Variants in PLPPR1 observed in about 807,000 individuals in gnomAD.
PLPPR1 encodes the protein phospholipid phosphatase related 1.
Under a neutral mutation model 33.1 loss-of-function variants are expected in PLPPR1, and 10 were observed. That is an observed-to-expected ratio of 0.30 (90% CI 0.19 to 0.51). The LOEUF (loss-of-function observed/expected upper bound fraction) is 0.51. Among genes scored for constraint, PLPPR1 ranks in the 20% least tolerant of loss-of-function variants. The pLI is 0.97. For missense variants in PLPPR1, 304 were observed against 408.1 expected, an observed-to-expected ratio of 0.74 and a Z score of 2.20; for synonymous variants, 151 against 151.0, an observed-to-expected ratio of 1.00 and a Z score of 0.00.
intron 2 of PLPPR1, among the ~76,000 whole-genome samples, chr9:101,189,607 G>T (rs1826260844): frequency 6.6e-6 from 1 of 151,946 alleles, no homozygotes; most frequent in Non-Finnish European, 1.5e-5. Flanking sequence ...TACTAGCTAG[G>T]ACTTATTGTG....
intron 1 of PLPPR1, among the ~76,000 whole-genome samples, chr9:101,159,106 C>G (rs1004301914): frequency 2.6e-5 from 4 of 152,168 alleles, no homozygotes; most frequent in African/African-American, 4.8e-5. Flanking sequence ...CCTGATGATG[C>G]CTGGCTCCAG....
intron 2 of PLPPR1, among the ~76,000 whole-genome samples, chr9:101,196,527 C>A (rs1382363835): frequency 6.6e-6 from 1 of 152,144 alleles, no homozygotes; most frequent in Admixed American, 6.5e-5. Context: ...TTTTAAAATT[C>A]TTGTCCCTTT....
chr9:101,140,272 G>A (rs180802840), intron 1 of PLPPR1, among the ~76,000 whole-genome samples: 2 of 152,222 alleles, frequency 1.3e-5, no homozygotes, highest in East Asian at 3.9e-4. Context: ...TAGAGAAAGT[G>A]GATTGCTGAA....
chr9:101,262,967 A>AC (rs1314895500), intron 2 of PLPPR1, among the ~76,000 whole-genome samples: 1 of 152,140 alleles, frequency 6.6e-6, no homozygotes, highest in Non-Finnish European at 1.5e-5. Context: ...GAACACCTGG[A>AC]CACAGGGAGT....
chr9:101,187,159 A>G (rs1274184059), intron 2 of PLPPR1: 2 of 151,968 alleles, frequency 1.3e-5, no homozygotes, highest in African/African-American at 4.8e-5. Context: ...CTCTTTTGTT[A>G]TATGAAAAAT....
chr9:101,064,393 A>G (rs1046108149), intron 1 of PLPPR1, among the ~76,000 whole-genome samples: 6 of 152,132 alleles, frequency 3.9e-5, no homozygotes, highest in African/African-American at 1.4e-4. Context: ...TGGAATGAAT[A>G]TTTATGGAAT....
At chr9:101,173,082 A>G (rs902474536) in intron 1 of PLPPR1, among the ~76,000 whole-genome samples, 2 of 152,178 alleles carry the variant, frequency 1.3e-5, no homozygotes, top group East Asian at 3.9e-4. Flanking sequence ...AGGATAACAA[A>G]CCCATAAAGA....
intron 1 of PLPPR1, among the ~76,000 whole-genome samples, chr9:101,068,053 C>T (rs1830440015): frequency 6.6e-6 from 1 of 152,028 alleles, no homozygotes; most frequent in Non-Finnish European, 1.5e-5. Context: ...CATTAGCCCA[C>T]AAAAGCCTAT....
At position 101,237,718 on chromosome 9, in the gene PLPPR1, A is replaced by G. The variant is rs185286146; in HGVS notation, c.64-32162A>G. 1.4e-3 allele frequency among the ~76,000 whole-genome samples: 193 copies of G among 139,854 alleles called. 2 individuals are homozygous for G. Among genetic ancestry groups the G allele is most frequent in the African/African-American group, 4.9e-3 (186 of 38,188 alleles). 91.7% of individuals were successfully genotyped at this position (139,854 alleles called of 152,430 possible). ...CTATATATATAGTCTATATCTATATATGTGTGTGTATATAGCCTATATATA... is the reference window on the plus strand; with the variant it reads ...CTATATATATAGTCTATATCTATATGTGTGTGTGTATATAGCCTATATATA... On this transcript the variant is annotated intron_variant, in intron 2 of 7. Transcript: ENST00000374874.
At chr9:101,132,868 A>T (rs149837046) in intron 1 of PLPPR1, among the ~76,000 whole-genome samples, 2 of 152,302 alleles carry the variant, frequency 1.3e-5, no homozygotes, top group African/African-American at 4.8e-5. Flanking sequence ...GAATTCCAGT[A>T]CTTAAGTGGA....
Position 101,264,385 on chromosome 9 carries a change from C to T in PLPPR1, c.64-5495C>T, listed in dbSNP as rs113367205. ...TAAGCAGACACCACACAGCCCTCTC[C>T]TTCCCCATGCATCCTCTTCTCCCTC... On this transcript the variant is annotated intron_variant, in intron 2 of 7. Transcript: ENST00000374874. Among the ~76,000 whole-genome samples, 9 of 152,252 alleles carry T rather than the reference C, an allele frequency of 5.9e-5. 1 individual carries two copies. The highest frequency in any genetic ancestry group is 2.2e-4 in the African/African-American group (9 of 41,548).
chr9:101,089,134 G>A (rs1450969419), intron 1 of PLPPR1, among the ~76,000 whole-genome samples: 1 of 152,056 alleles, frequency 6.6e-6, no homozygotes, highest in Non-Finnish European at 1.5e-5. Context: ...TATTTGGCAG[G>A]CATTATGCTA....
chr9:101,169,750 T>A (rs534990079), intron 1 of PLPPR1, among the ~76,000 whole-genome samples: 2 of 152,180 alleles, frequency 1.3e-5, no homozygotes, highest in Non-Finnish European at 1.5e-5. Flanking sequence ...ATTTTTTTCA[T>A]AATAATGAAG....
intron 1 of PLPPR1, among the ~76,000 whole-genome samples, chr9:101,163,615 C>T (rs986199050): frequency 5.9e-5 from 9 of 152,132 alleles, no homozygotes; most frequent in African/African-American, 1.9e-4. Flanking sequence ...TAGTGACATC[C>T]GGCTGAAGCA....
chr9:101,065,178 C>T (rs1293086197), intron 1 of PLPPR1, among the ~76,000 whole-genome samples: 2 of 152,110 alleles, frequency 1.3e-5, no homozygotes, highest in Non-Finnish European at 2.9e-5. Flanking sequence ...CTTTCTCTCT[C>T]ACCCTACTTT....
rs1186329904 is a variant in PLPPR1, at chr9:101,104,507, C to T, written c.-46+75405C>T. Among the ~76,000 whole-genome samples, 2 of 125,586 alleles carry T rather than the reference C, an allele frequency of 1.6e-5. 1 individual carries two copies. Among genetic ancestry groups the T allele is most frequent in the African/African-American group, 6.8e-5 (2 of 29,574 alleles). 82.4% of individuals were successfully genotyped at this position (125,586 alleles called of 152,430 possible). ...ATCCCAGGGATGAAGCCCACTTGAT[C>T]ATGGTGGATAAGCTTTTTGATGTGC... On this transcript the variant is annotated intron_variant, in intron 1 of 7. Transcript: ENST00000374874.
intron 2 of PLPPR1, among the ~76,000 whole-genome samples, chr9:101,189,506 C>T (rs1280381262): frequency 3.9e-5 from 6 of 152,098 alleles, no homozygotes; most frequent in Admixed American, 2.0e-4. Context: ...GCATGTCTGA[C>T]CCTCCAACTT....
intron 2 of PLPPR1, among the ~76,000 whole-genome samples, chr9:101,213,292 A>G (rs1284454878): frequency 6.6e-6 from 1 of 152,188 alleles, no homozygotes; most frequent in African/African-American, 2.4e-5. Context: ...CTAAATCAAG[A>G]GCTTATTTGA....
At chr9:101,115,060 C>G (rs1298094517) in intron 1 of PLPPR1, among the ~76,000 whole-genome samples, 1 of 152,176 alleles carries the variant, frequency 6.6e-6, no homozygotes, top group African/African-American at 2.4e-5. Flanking sequence ...CAGCATGACA[C>G]TCTGGGGCCA....
Sources: gnomAD v4.1 joint callset for allele counts (sites outside exome capture counted in the v4.1 genomes callset) on GRCh38, gnomAD v4.1.1 for gene constraint, MANE v1.5 for transcripts, NCBI Gene and HGNC (gene_info 2026-07-23, HGNC 2026-07-21) for gene names.